The following LAMA3 variants were observed in gnomAD, a reference collection of about 807,000 sequenced individuals.
The protein encoded by LAMA3 is laminin subunit alpha-3.
A neutral mutation model predicts 402.0 loss-of-function variants in LAMA3; 281 were observed. The ratio of observed to expected loss-of-function variants is 0.70; its 90% confidence interval spans 0.63 to 0.77. The LOEUF is 0.77. Ranked by LOEUF, LAMA3 falls within the 30% of genes least tolerant of loss-of-function variation. The probability of loss-of-function intolerance (pLI) is 0.00; values close to 1 mark genes in which losing one functional copy is unlikely to be tolerated. For missense variants in LAMA3, 3,840 were observed against 4,215.5 expected (o/e 0.91, Z 2.47); for synonymous variants, 1,431 against 1,558.4 (o/e 0.92, Z 1.93).
At chr18:23,848,815 G>A (rs2063881323) in intron 32 of LAMA3, among the ~76,000 whole-genome samples, 2 of 152,204 alleles carry the variant, frequency 1.3e-5, no homozygotes, top group Admixed American at 1.3e-4. Flanking sequence ...GGCAGGGTTG[G>A]TTTCTTCCGG....
Position 23,861,908 on chromosome 18 carries a change from A to G in LAMA3, c.4584+101A>G, listed in dbSNP as rs932589392. 5 of 1,297,212 alleles carry G rather than the reference A, an allele frequency of 3.9e-6. No individual in the cohort carries two copies. The East Asian group carries it at 1.3e-4, about 33-fold the overall frequency. 80.4% of individuals were successfully genotyped at this position (1,297,212 alleles called of 1,614,324 possible). ...TCTGGAAGGAAGCATCCAGCAGTTC[A>G]GGTTACTAACGTTCCAGAAATGAGC... On this transcript the variant is annotated intron_variant, in intron 35 of 74. Transcript: ENST00000313654.
At position 23,741,564 on chromosome 18, in the gene LAMA3, G is replaced by C. The variant is rs575904073; in HGVS notation, c.448-6379G>C. 2.6e-5 allele frequency among the ~76,000 whole-genome samples: 4 copies of C among 152,212 alleles called. No homozygotes were observed. The South Asian group carries it at 8.3e-4, about 32-fold the overall frequency. ...CACCAACCACAAAGTAAATGTAATT[G>C]CTTGGTTCTATATTTAGTGACTTAT... On this transcript the variant is annotated intron_variant, in intron 2 of 74. Transcript: ENST00000313654.
At chr18:23,838,612 G>C (rs1209427347) in intron 25 of LAMA3, among the ~76,000 whole-genome samples, 169 bp from the exon 26 acceptor site, 1 of 152,216 alleles carries the variant, frequency 6.6e-6, no homozygotes, top group East Asian at 1.9e-4. Context: ...TGCACATAAT[G>C]ATGCCTGAGG....
chr18:23,700,948 T>G (rs748376644), intron 1 of LAMA3, among the ~76,000 whole-genome samples: 1 of 152,118 alleles, frequency 6.6e-6, no homozygotes, highest in Non-Finnish European at 1.5e-5. Context: ...TCCTCTCATC[T>G]CCGCCTCCAA....
intron 68 of LAMA3, 46 bp from the exon 69 acceptor site, chr18:23,943,741 GA>G: frequency 6.3e-7 from 1 of 1,580,190 alleles, no homozygotes; most frequent in Middle Eastern, 1.7e-4. Context: ...AGATTCGAAG[GA>G]ACGCTGAACA....
chr18:23,860,283 G>A (rs1173994459), intron 34 of LAMA3, among the ~76,000 whole-genome samples: 4 of 94,012 alleles, frequency 4.3e-5, no homozygotes, highest in African/African-American at 1.6e-4. Flanking sequence ...TTTTTTTTGA[G>A]ACAGGGTCTC....
rs769670911 is a variant in LAMA3 at position 23,845,100 on chromosome 18, G to A, written c.3695G>A (p.Cys1232Tyr). The change falls in exon 30 of 75, where the codon TGT becomes TAT. Residue 1232 changes from cysteine (C) to tyrosine (Y), a missense_variant. By Grantham distance (194) the Cys-to-Tyr change is radical (BLOSUM62 -2). Coordinates refer to ENST00000313654, the MANE Select transcript of LAMA3 (RefSeq NM_198129.4). ...MDKSLEFITN[C>Y]GKNSFYLDPQ... ...AAGTCACTCGAGTTTATCACCAATT[G>A]TGGAAAAAACAGCTTTTACCTTGAG... is the stretch of plus-strand genomic sequence containing the variant. The A allele has an allele frequency of 6.2e-7, 1 of 1,609,586 alleles. No individual in the cohort carries two copies. Among genetic ancestry groups the A allele is most frequent in the Non-Finnish European group, 8.5e-7 (1 of 1,175,864 alleles).
intron 66 of LAMA3, among the ~76,000 whole-genome samples, chr18:23,933,307 C>G (rs953282018): frequency 3.3e-5 from 5 of 152,188 alleles, no homozygotes; most frequent in African/African-American, 1.2e-4. Flanking sequence ...TTCTTGGGCT[C>G]CTCGCCGGCT....
chr18:23,821,025 C>T (rs1043455988), intron 19 of LAMA3, among the ~76,000 whole-genome samples: 1 of 152,182 alleles, frequency 6.6e-6, no homozygotes, highest in African/African-American at 2.4e-5. Context: ...CCTGACATTA[C>T]TTCACTATTC....
At chr18:23,701,409 G>C (rs143261061) in intron 1 of LAMA3, among the ~76,000 whole-genome samples, 84 of 152,226 alleles carry the variant, frequency 5.5e-4, no homozygotes, top group African/African-American at 1.8e-3. Flanking sequence ...TTTCCATTAG[G>C]GTAGAAGAAG....
intron 33 of LAMA3, 98 bp from the exon 34 acceptor site, chr18:23,858,591 T>C: frequency 9.0e-7 from 1 of 1,107,070 alleles, no homozygotes; most frequent in Non-Finnish European, 1.4e-6. Flanking sequence ...ATCCTCATCC[T>C]AACATCTTGT....
intron 1 of LAMA3, among the ~76,000 whole-genome samples, chr18:23,695,565 T>C (rs1421237851): frequency 6.6e-6 from 1 of 151,996 alleles, no homozygotes; most frequent in Non-Finnish European, 1.5e-5. Flanking sequence ...CTCATACTTA[T>C]AATCCTAGCA....
intron 1 of LAMA3, chr18:23,709,730 A>G (rs2060954365): frequency 4.2e-6 from 2 of 480,862 alleles, no homozygotes; most frequent in Admixed American, 5.5e-5. Context: ...GAGAAGTCCC[A>G]TGGATTCTTT....
intron 2 of LAMA3, among the ~76,000 whole-genome samples, chr18:23,716,629 T>C (rs2061105252): frequency 6.6e-6 from 1 of 152,162 alleles, no homozygotes; most frequent in South Asian, 2.1e-4. Flanking sequence ...ATTCCCTAAT[T>C]AAGACAATTA....
intron 68 of LAMA3, among the ~76,000 whole-genome samples, chr18:23,940,915 GAC>G (rs2082481411): frequency 6.7e-6 from 1 of 150,028 alleles, no homozygotes; most frequent in South Asian, 2.1e-4. Flanking sequence ...TGACCTTAAT[GAC>G]AATGACCTCC....
chr18:23,899,257 C>A, intron 46 of LAMA3, 31 bp from the exon 47 acceptor site: 1 of 1,604,796 alleles, frequency 6.2e-7, no homozygotes, highest in East Asian at 2.2e-5. Flanking sequence ...CCCAGAATTC[C>A]CAGTCTAATA....
intron 12 of LAMA3, among the ~76,000 whole-genome samples, chr18:23,794,726 A>G (rs1166785878): frequency 6.6e-6 from 1 of 152,196 alleles, no homozygotes. Flanking sequence ...GAGTTAGTTG[A>G]CAGCAGGAGT....
intron 23 of LAMA3, among the ~76,000 whole-genome samples, chr18:23,830,430 C>T (rs2063470195): frequency 6.6e-6 from 1 of 152,196 alleles, no homozygotes; most frequent in Admixed American, 6.5e-5. Context: ...CCTCAACCCA[C>T]TTCAGTCTGG....
At chr18:23,859,754 T>G (rs1401950823) in intron 34 of LAMA3, among the ~76,000 whole-genome samples, 1 of 152,186 alleles carries the variant, frequency 6.6e-6, no homozygotes, top group Non-Finnish European at 1.5e-5. Context: ...TTGTTTGTTT[T>G]TTGGTGGCTC....
Sources: gnomAD v4.1 joint callset for allele counts (sites outside exome capture counted in the v4.1 genomes callset) on GRCh38, gnomAD v4.1.1 for gene constraint, MANE v1.5 for transcripts, NCBI Gene and HGNC (gene_info 2026-07-23, HGNC 2026-07-21) for gene names.